The following GCA variants were observed in gnomAD, a reference collection of about 807,000 sequenced individuals.
The protein encoded by GCA is grancalcin, EF-hand calcium-binding protein.
In GCA, 30 loss-of-function variants were observed where a neutral mutation model predicts 32.6. The ratio of observed to expected loss-of-function variants is 0.92; its 90% CI spans 0.69 to 1.25. The LOEUF (loss-of-function observed/expected upper bound fraction) is 1.25. Among genes scored for constraint, GCA ranks in the 50% most tolerant of loss-of-function variants. The pLI is 0.00. For synonymous variants in GCA, 102 were observed against 84.6 expected (o/e 1.21, Z -1.13); for missense variants, 291 against 266.8 (o/e 1.09, Z -0.63).
At chr2:162,348,044 C>T (rs1027239855) in intron 2 of GCA, among the ~76,000 whole-genome samples, 1 of 152,092 alleles carries the variant, frequency 6.6e-6, no homozygotes, top group Non-Finnish European at 1.5e-5. Context: ...CTACAAGGGG[C>T]TCCTCTTACT....
chr2:162,322,335 G>A (rs558029757), intron 1 of GCA, among the ~76,000 whole-genome samples: 57 of 151,604 alleles, frequency 3.8e-4, no homozygotes, highest in African/African-American at 1.3e-3. Flanking sequence ...ATGTTTTTGT[G>A]AAAAACAGTA....
rs939849006 is a variant in GCA at position 162,362,516 on chromosome 2, C to T, written c.*2273C>T. On this transcript the variant is annotated 3_prime_UTR_variant, in exon 8 of 8. Transcript: ENST00000437150. ...GTTAACTTACACCCCAGTTCTTTTA[C>T]GATGATGTAAATTATTGAATAATGT... The T allele has an allele frequency of 8.7e-5, 84 of 967,714 alleles. No individual in the cohort carries two copies. Among genetic ancestry groups the T allele is most frequent in the Non-Finnish European group, 9.7e-5 (79 of 814,256 alleles). 59.9% of individuals were successfully genotyped at this position (967,714 alleles called of 1,614,324 possible). A position where few individuals can be genotyped will look rare whatever the true frequency, so the allele number is the denominator to read the frequency against.
Position 162,359,134 on chromosome 2 carries a change from G to T in GCA, c.545G>T (p.Cys182Phe), listed in dbSNP as rs1685438520. The T allele has an allele frequency of 1.2e-6, 2 of 1,602,148 alleles. No homozygotes were observed. Among genetic ancestry groups the T allele is most frequent in the African/African-American group, 2.7e-5 (2 of 74,508 alleles). Residue 182 changes from cysteine (C) to phenylalanine (F), a missense_variant, in exon 6 of 8, where the codon TGT (cysteine) becomes TTT (phenylalanine). Coordinates refer to ENST00000437150, the MANE Select transcript of GCA (RefSeq NM_012198.5). ...RIFFDDYVAC[C>F]VKLRALTDFF... ...TTCTTTGATGATTATGTTGCTTGCT[G>T]TGTGAAGCTTCGAGCATTGACAGGT...
chr2:162,375,301 C>T (rs948026980), downstream of GCA, among the ~76,000 whole-genome samples: 3 of 152,090 alleles, frequency 2.0e-5, no homozygotes, highest in African/African-American at 7.2e-5. Context: ...GATTCAAGAT[C>T]CAAAAATGAG....
chr2:162,347,127 A>G (rs1342106170), intron 1 of GCA, among the ~76,000 whole-genome samples: 1 of 152,230 alleles, frequency 6.6e-6, no homozygotes, highest in East Asian at 1.9e-4. Flanking sequence ...AAATAGTTGT[A>G]AAGAATACAA....
chr2:162,359,207 T>G, intron 6 of GCA, 50 bp downstream of exon 6: 4 of 975,782 alleles, frequency 4.1e-6, no homozygotes, highest in Non-Finnish European at 6.5e-6. Flanking sequence ...CTATTTTTCT[T>G]GAATAATGTG....
Position 162,361,248 on chromosome 2 carries a change from C to G in GCA, c.*1005C>G. 1.0e-6 allele frequency: 1 copy of G among 984,486 alleles called. No homozygotes were observed. Among genetic ancestry groups the G allele is most frequent in the Non-Finnish European group, 1.2e-6 (1 of 829,356 alleles). 61.0% of individuals were successfully genotyped at this position (984,486 alleles called of 1,614,324 possible). A position where few individuals can be genotyped will look rare whatever the true frequency, so the allele number is the denominator to read the frequency against. On this transcript the variant is annotated 3_prime_UTR_variant, in exon 8 of 8. Transcript: ENST00000437150. ...GTGGTGTTTTGAGCATAGTAGGCAC[C>G]ACAGCAACTTTTCTGCGTGGTACTA...
chr2:162,363,654 A>T (rs941772236), downstream of GCA, among the ~76,000 whole-genome samples: 13 of 151,452 alleles, frequency 8.6e-5, no homozygotes, highest in Admixed American at 4.6e-4. Context: ...GAAACTTAGG[A>T]AAAATATTTC....
At chr2:162,352,203 A>G in intron 2 of GCA, 135 bp from the exon 3 acceptor site, 2 of 586,298 alleles carry the variant, frequency 3.4e-6, no homozygotes, top group Non-Finnish European at 6.1e-6. Flanking sequence ...AATTATCTCT[A>G]GAATTTTGTA....
intron 4 of GCA, chr2:162,371,206 G>A (rs1558910825): frequency 2.5e-6 from 1 of 393,236 alleles, no homozygotes; most frequent in Admixed American, 3.3e-5. Context: ...TAAATAGAAA[G>A]ACCTTTGTTC....
At chr2:162,358,955 G>A in intron 5 of GCA, 89 bp from the exon 6 acceptor site, 1 of 609,006 alleles carries the variant, frequency 1.6e-6, no homozygotes, top group Non-Finnish European at 2.9e-6. Context: ...AATGAATTTT[G>A]AAAGTTATTT....
chr2:162,352,722 T>A (rs78687150), intron 3 of GCA, among the ~76,000 whole-genome samples: 2 of 152,210 alleles, frequency 1.3e-5, no homozygotes, highest in Non-Finnish European at 2.9e-5. Context: ...TCTATTGATA[T>A]CCTGCTATGA....
chr2:162,332,367 G>C (rs1684126916), intron 1 of GCA, among the ~76,000 whole-genome samples: 2 of 144,556 alleles, frequency 1.4e-5, no homozygotes, highest in South Asian at 4.3e-4. Flanking sequence ...TATATTATAT[G>C]ATATATAAAT....
At chr2:162,369,169 A>G (rs1685846103) in intron 4 of GCA, among the ~76,000 whole-genome samples, 1 of 152,066 alleles carries the variant, frequency 6.6e-6, no homozygotes, top group Non-Finnish European at 1.5e-5. Flanking sequence ...TGGAGAGGTC[A>G]GACTGTTTTT....
chr2:162,354,425 G>T (rs1685156162), intron 3 of GCA, among the ~76,000 whole-genome samples: 1 of 152,144 alleles, frequency 6.6e-6, no homozygotes, highest in African/African-American at 2.4e-5. Flanking sequence ...TTAGAAGATA[G>T]CCCTGTCTCA....
At position 162,356,481 on chromosome 2, in the gene GCA, T is replaced by C; in HGVS notation, c.306T>C (p.Asp102=). ...GCAGAATTATGATTGCCATGTTGGATGTATCCTTGAATAGAAATAGAAAAT... is the reference window on the plus strand; with the variant it reads ...GCAGAATTATGATTGCCATGTTGGACGTATCCTTGAATAGAAATAGAAAAT... ...ETCRIMIAML[D]RDHTGKMGFN... Residue 102 remains aspartate (D), a splice_region_variant and synonymous_variant, in exon 4 of 8, where the codon GAT becomes GAC. Coordinates refer to ENST00000437150, the MANE Select transcript of GCA (RefSeq NM_012198.5). The C allele has an allele frequency of 6.5e-7, 1 of 1,544,734 alleles. No individual in the cohort carries two copies. The highest frequency in any genetic ancestry group is 8.9e-7 in the Non-Finnish European group (1 of 1,117,400).
chr2:162,354,103 T>A (rs1685138346), intron 3 of GCA, among the ~76,000 whole-genome samples: 2 of 152,302 alleles, frequency 1.3e-5, no homozygotes, highest in South Asian at 4.1e-4. Flanking sequence ...TCCAGATTGT[T>A]TTTTCTCCTC....
chr2:162,321,070 A>C (rs946608358), intron 1 of GCA, among the ~76,000 whole-genome samples: 6 of 152,090 alleles, frequency 3.9e-5, no homozygotes, highest in African/African-American at 1.4e-4. Flanking sequence ...TTTTTTAGGA[A>C]TCTCCCATAG....
chr2:162,351,924 TTTCCCC>T (rs1303814579), intron 2 of GCA, among the ~76,000 whole-genome samples: 1 of 152,094 alleles, frequency 6.6e-6, no homozygotes, highest in Non-Finnish European at 1.5e-5. Context: ...GAAAATATAT[TTTCCCC>T]TTCCAGTTAA....
Sources: allele counts gnomAD v4.1 joint callset (sites outside exome capture counted in the v4.1 genomes callset), GRCh38; gene constraint gnomAD v4.1.1; transcripts MANE v1.5; gene names NCBI Gene and HGNC (gene_info 2026-07-23, HGNC 2026-07-21).